PTPRN2: variants seen among roughly 807,000 people sequenced by gnomAD.
The protein encoded by PTPRN2 is receptor-type tyrosine-protein phosphatase N2.
A neutral mutation model predicts 118.8 loss-of-function variants in PTPRN2; 74 were observed. The observed-to-expected ratio is 0.62, with a 90% CI of 0.52 to 0.76. The LOEUF (loss-of-function observed/expected upper bound fraction) is 0.76. Ranked by LOEUF, PTPRN2 falls within the 30% of genes least tolerant of loss-of-function variation. The probability of loss-of-function intolerance (pLI) is 0.00; values close to 1 mark genes in which losing one functional copy is unlikely to be tolerated. For synonymous variants in PTPRN2, 641 were observed against 608.0 expected, an observed-to-expected ratio of 1.05 and a Z score of -0.80; for missense variants, 1,481 against 1,394.4, an observed-to-expected ratio of 1.06 and a Z score of -0.99.
chr7:158,038,821 G>C (rs1808259293), intron 11 of PTPRN2, among the ~76,000 whole-genome samples: 1 of 150,654 alleles, frequency 6.6e-6, no homozygotes, highest in African/African-American at 2.4e-5. Context: ...CAGATATTAA[G>C]AATCCTTACA....
chr7:158,282,975 C>T (rs537903454), intron 3 of PTPRN2, among the ~76,000 whole-genome samples: 2 of 151,200 alleles, frequency 1.3e-5, no homozygotes, highest in Admixed American at 6.6e-5. Context: ...AGGACATAGA[C>T]GGCTCGTCCC....
intron 3 of PTPRN2, among the ~76,000 whole-genome samples, chr7:158,251,724 C>T (rs961548817): frequency 8.1e-5 from 12 of 148,930 alleles, no homozygotes; most frequent in East Asian, 6.0e-4. Flanking sequence ...CTATGGTGCA[C>T]GTGTGGTGTG....
intron 13 of PTPRN2, among the ~76,000 whole-genome samples, chr7:157,664,703 G>A (rs562927829): frequency 2.0e-5 from 3 of 152,322 alleles, no homozygotes; most frequent in East Asian, 3.9e-4. Flanking sequence ...AGGCTGCAGT[G>A]AGCTATGATT....
intron 13 of PTPRN2, among the ~76,000 whole-genome samples, chr7:157,667,668 G>A (rs540363363): frequency 5.9e-5 from 9 of 152,318 alleles, no homozygotes; most frequent in Non-Finnish European, 1.2e-4. Flanking sequence ...AGATGGTGGC[G>A]TCTTCCACTG....
chr7:158,552,686 A>G (rs901104688), intron 1 of PTPRN2, among the ~76,000 whole-genome samples: 4 of 152,186 alleles, frequency 2.6e-5, no homozygotes, highest in Admixed American at 1.3e-4. Flanking sequence ...ACCTCAAGCA[A>G]TCTGCCCACC....
chr7:158,423,423 C>T (rs937673165), intron 2 of PTPRN2, among the ~76,000 whole-genome samples: 1 of 152,326 alleles, frequency 6.6e-6, no homozygotes, highest in Non-Finnish European at 1.5e-5. Context: ...GAAATGGTCC[C>T]GCCCTAGCTT....
At chr7:157,819,362 C>T (rs550468114) in intron 12 of PTPRN2, among the ~76,000 whole-genome samples, 1 of 152,204 alleles carries the variant, frequency 6.6e-6, no homozygotes, top group Non-Finnish European at 1.5e-5. Flanking sequence ...CTGGCTCTGT[C>T]GGCTCGAGTC....
intron 6 of PTPRN2, among the ~76,000 whole-genome samples, chr7:158,144,613 T>C (rs1386986436): frequency 6.6e-6 from 1 of 152,024 alleles, no homozygotes; most frequent in Admixed American, 6.6e-5. Flanking sequence ...CACTCCAGCC[T>C]GGGCGATAGA....
At chr7:158,466,465 C>T (rs1321885307) in intron 2 of PTPRN2, among the ~76,000 whole-genome samples, 1 of 152,174 alleles carries the variant, frequency 6.6e-6, no homozygotes, top group Non-Finnish European at 1.5e-5. Flanking sequence ...CTATTTACAA[C>T]ATCATGTCCT....
At chr7:157,798,854 C>T (rs62476419) in intron 12 of PTPRN2, among the ~76,000 whole-genome samples, 3 of 152,220 alleles carry the variant, frequency 2.0e-5, no homozygotes, top group South Asian at 2.1e-4. Context: ...GGCGTCCCAC[C>T]GGCTCCTCAG....
intron 2 of PTPRN2, among the ~76,000 whole-genome samples, chr7:158,379,537 A>T (rs7806066): frequency 6.6e-6 from 1 of 151,788 alleles, no homozygotes; most frequent in Non-Finnish European, 1.5e-5. Context: ...GAAAGACAAA[A>T]ACAACTCCGA....
chr7:157,838,406 T>G (rs899997522), intron 12 of PTPRN2, among the ~76,000 whole-genome samples: 4 of 139,006 alleles, frequency 2.9e-5, no homozygotes, highest in Middle Eastern at 4.2e-3. Flanking sequence ...GTTCCTCTCA[T>G]AGTGGATGGC....
In PTPRN2 at chr7:157,813,742, C is replaced by T. The variant is rs900709906; in HGVS notation, c.1788+84931G>A. ...TGCCCCGAGTGCTCCAGCTGCCCTG[C>T]GTGTGGCTGTCTACACAGCACGCAT... On this transcript the variant is annotated intron_variant, in intron 12 of 22. Coordinates refer to ENST00000389418, the MANE Select transcript of PTPRN2 (RefSeq NM_002847.5). This position sits in a 1 kb window ranked among gnomAD's most constrained non-coding sequence, Gnocchi z 4.7. Among the ~76,000 whole-genome samples, 3 of 152,202 alleles carry T rather than the reference C, an allele frequency of 2.0e-5. No individual in the cohort carries two copies. Among genetic ancestry groups the T allele is most frequent in the African/African-American group, 4.8e-5 (2 of 41,448 alleles).
intron 15 of PTPRN2, among the ~76,000 whole-genome samples, chr7:157,613,763 G>A (rs1448759208): frequency 6.6e-6 from 1 of 152,228 alleles, no homozygotes; most frequent in Non-Finnish European, 1.5e-5. Flanking sequence ...ACCCGCGGCA[G>A]CCTGAACTGC....
At chr7:158,131,357 A>G (rs1818260314) in intron 9 of PTPRN2, among the ~76,000 whole-genome samples, 1 of 140,222 alleles carries the variant, frequency 7.1e-6, no homozygotes, top group South Asian at 2.4e-4. Flanking sequence ...GCACAAACCA[A>G]TACACATCTA....
At chr7:157,842,647 T>C (rs6967413) in intron 12 of PTPRN2, among the ~76,000 whole-genome samples, 98,541 of 151,854 alleles carry the variant, frequency 0.65, 34,887 homozygotes, top group East Asian at 0.94. Context: ...ACTCCAGACC[T>C]TGTGATTCGC....
At chr7:157,730,865 G>A (rs1337795320) in intron 12 of PTPRN2, among the ~76,000 whole-genome samples, 2 of 152,182 alleles carry the variant, frequency 1.3e-5, no homozygotes, top group African/African-American at 2.4e-5. Flanking sequence ...TCCCGCCAGG[G>A]ACCTGGCAGC....
intron 2 of PTPRN2, among the ~76,000 whole-genome samples, chr7:158,414,726 T>C (rs940459517): frequency 2.0e-5 from 3 of 152,220 alleles, no homozygotes; most frequent in Admixed American, 6.5e-5. Context: ...TGTGGCTCAT[T>C]CTTCGAGGCT....
At chr7:157,807,576 G>A (rs1805711368) in intron 12 of PTPRN2, among the ~76,000 whole-genome samples, 1 of 152,210 alleles carries the variant, frequency 6.6e-6, no homozygotes, top group South Asian at 2.1e-4. Flanking sequence ...CACAGCCAGG[G>A]GACTGCTCCT....
Sources: gnomAD v4.1 joint callset for allele counts (sites outside exome capture counted in the v4.1 genomes callset) on GRCh38, gnomAD v4.1.1 for gene constraint, Gnocchi (gnomAD v3.1) non-coding constraint, MANE v1.5 for transcripts, NCBI Gene and HGNC (gene_info 2026-07-23, HGNC 2026-07-21) for gene names.